Variants in ASXL3 observed in about 807,000 individuals in gnomAD.
ASXL3 encodes the protein ASXL transcriptional regulator 3.
A neutral mutation model predicts 170.6 loss-of-function variants in ASXL3; 34 were observed. That is an observed-to-expected ratio of 0.20 (90% confidence interval 0.15 to 0.27). The LOEUF (loss-of-function observed/expected upper bound fraction) is 0.27, where lower values mean the gene tolerates loss of function less well. ASXL3 is among the 10% of genes least tolerant of loss of function. The pLI, the probability that ASXL3 is intolerant of heterozygous loss-of-function variation, is 1.00. For missense variants in ASXL3, 2,592 were observed against 2,695.3 expected, an observed-to-expected ratio of 0.96 and a Z score of 0.85; for synonymous variants, 1,002 against 989.1, an observed-to-expected ratio of 1.01 and a Z score of -0.24.
At chr18:33,612,804 A>G (rs1357083404) in intron 2 of ASXL3, among the ~76,000 whole-genome samples, 1 of 152,092 alleles carries the variant, frequency 6.6e-6, no homozygotes, top group African/African-American at 2.4e-5. Flanking sequence ...TAGAGATAAG[A>G]AATAAACGCA....
At chr18:33,636,347 GCCACAACAA>G (rs1305867809) in intron 2 of ASXL3, among the ~76,000 whole-genome samples, 2 of 39,994 alleles carry the variant, frequency 5.0e-5, no homozygotes, top group Non-Finnish European at 9.8e-5. Flanking sequence ...AACAACAACA[GCCACAACAA>G]CAGCCACAAC....
intron 8 of ASXL3, among the ~76,000 whole-genome samples, chr18:33,697,677 A>G (rs1007353770): frequency 4.6e-5 from 7 of 151,996 alleles, no homozygotes; most frequent in East Asian, 1.9e-4. Flanking sequence ...TTGTTGCCCA[A>G]CCTCTGGGCA....
At chr18:33,713,898 G>C (rs1194542979) in intron 8 of ASXL3, among the ~76,000 whole-genome samples, 1 of 152,172 alleles carries the variant, frequency 6.6e-6, no homozygotes, top group African/African-American at 2.4e-5. Flanking sequence ...TTCCTAGAAA[G>C]AAAATTTTGT....
chr18:33,647,637 T>A (rs906666952), intron 4 of ASXL3, among the ~76,000 whole-genome samples: 1 of 152,050 alleles, frequency 6.6e-6, no homozygotes, highest in African/African-American at 2.4e-5. Context: ...CCTAGTGTGG[T>A]ACTCTTGCCT....
chr18:33,681,715 T>C (rs1391916243), intron 7 of ASXL3, among the ~76,000 whole-genome samples: 1 of 152,046 alleles, frequency 6.6e-6, no homozygotes, highest in Non-Finnish European at 1.5e-5. Flanking sequence ...ATTTCAGTTC[T>C]GAAAAATATT....
At chr18:33,702,245 CTG>C (rs1491586475) in intron 8 of ASXL3, among the ~76,000 whole-genome samples, 1 of 152,086 alleles carries the variant, frequency 6.6e-6, no homozygotes. Context: ...GTTTTCTAGA[CTG>C]TCATTCTTTC....
In ASXL3 at chr18:33,745,967, C is replaced by T. The variant is rs765788846; in HGVS notation, c.6119C>T (p.Pro2040Leu). ...CCCCCGCCTCCCCCCCCACCACCTCCGCTACCTCCACCTCTCCCTAATGCA... is the reference window on the plus strand; with the variant it reads ...CCCCCGCCTCCCCCCCCACCACCTCTGCTACCTCCACCTCTCCCTAATGCA... ...ALPPPPPPPPPLPPPLPNAEV... is the reference protein window; with the variant it reads ...ALPPPPPPPPLLPPPLPNAEV... Residue 2040 changes from proline to leucine, a missense_variant, in exon 12 of 12, where the codon CCG becomes CTG. Coordinates refer to ENST00000269197, the MANE Select transcript of ASXL3 (RefSeq NM_030632.3). 9.5e-6 allele frequency: 15 copies of T among 1,570,972 alleles called. No individual in the cohort carries two copies. The highest frequency in any genetic ancestry group is 1.8e-5 in the Admixed American group (1 of 54,342).
chr18:33,700,318 A>G (rs753438105), intron 8 of ASXL3, among the ~76,000 whole-genome samples: 9 of 151,962 alleles, frequency 5.9e-5, no homozygotes, highest in Non-Finnish European at 1.2e-4. Flanking sequence ...TGGTGGAGAT[A>G]TTTTTTCATA....
intron 11 of ASXL3, among the ~76,000 whole-genome samples, chr18:33,741,199 C>G (rs892946932): frequency 2.6e-5 from 4 of 152,120 alleles, no homozygotes; most frequent in Non-Finnish European, 5.9e-5. Flanking sequence ...ATAATATAAA[C>G]TTTCCATAGG....
chr18:33,582,964 T>C (rs546554610), intron 1 of ASXL3, among the ~76,000 whole-genome samples: 1 of 152,262 alleles, frequency 6.6e-6, no homozygotes, highest in Admixed American at 6.5e-5. Context: ...TATTATGCAT[T>C]ACATTCTAAA....
Position 33,738,591 on chromosome 18 carries a change from C to T in ASXL3, c.1187C>T (p.Ala396Val), listed in dbSNP as rs769409061. The T allele has an allele frequency of 1.2e-6, 2 of 1,613,856 alleles. No homozygotes were observed. The highest frequency in any genetic ancestry group is 2.2e-5 in the South Asian group (2 of 91,070). The part of the protein sequence containing the change: ...SCGTSGLPVS[A>V]QTALAEQQPK... ...GGGACTTCTGGCCTTCCAGTTTCTG[C>T]ACAGACAGCCTTGGCAGAACAACAG... The change falls in exon 11 of 12, where the codon GCA becomes GTA. Residue 396 changes from alanine (A) to valine (V), a missense_variant. Physicochemically the swap from Ala to Val is moderately conservative, Grantham distance 64 (BLOSUM62 0). Around this residue, in one of 4 missense-constraint regions of ASXL3, gnomAD observed 2,246 missense variants for 2,219.6 expected, o/e 1.01. Coordinates refer to ENST00000269197, the MANE Select transcript of ASXL3 (RefSeq NM_030632.3).
intron 2 of ASXL3, among the ~76,000 whole-genome samples, chr18:33,630,893 C>T (rs2065666952): frequency 6.6e-6 from 1 of 151,566 alleles, no homozygotes. Context: ...ATTTTTTCTT[C>T]AACATGTAAT....
chr18:33,582,356 GTTTC>G (rs1242801612), intron 1 of ASXL3, among the ~76,000 whole-genome samples: 2 of 151,988 alleles, frequency 1.3e-5, no homozygotes, highest in Non-Finnish European at 2.9e-5. Context: ...GCACTAAGGG[GTTTC>G]TTTGTTACTG....
intron 4 of ASXL3, among the ~76,000 whole-genome samples, chr18:33,650,449 C>A (rs1360049928): frequency 6.6e-6 from 1 of 151,762 alleles, no homozygotes; most frequent in Non-Finnish European, 1.5e-5. Context: ...AACCAGTGTC[C>A]TAGCTGGGAA....
intron 2 of ASXL3, among the ~76,000 whole-genome samples, chr18:33,610,605 A>T (rs137875680): frequency 6.6e-6 from 1 of 151,740 alleles, no homozygotes; most frequent in Non-Finnish European, 1.5e-5. Flanking sequence ...TTGTCTTTGT[A>T]TGTCTTCCCT....
At chr18:33,603,170 T>TA (rs1366467678) in intron 1 of ASXL3, among the ~76,000 whole-genome samples, 2 of 152,104 alleles carry the variant, frequency 1.3e-5, no homozygotes, top group Non-Finnish European at 2.9e-5. Flanking sequence ...GCAAAAATTT[T>TA]AACCTTTAAA....
intron 5 of ASXL3, among the ~76,000 whole-genome samples, chr18:33,667,510 CT>C (rs1284581138): frequency 6.6e-6 from 1 of 152,062 alleles, no homozygotes; most frequent in African/African-American, 2.4e-5. Context: ...CTACTCCGTT[CT>C]TTTTTTGTTT....
chr18:33,602,191 C>T (rs750840763), intron 1 of ASXL3, among the ~76,000 whole-genome samples: 4 of 151,968 alleles, frequency 2.6e-5, no homozygotes, highest in Non-Finnish European at 4.4e-5. Context: ...GCCTAATTAT[C>T]TGAGGTGGAA....
intron 7 of ASXL3, among the ~76,000 whole-genome samples, chr18:33,680,530 A>G (rs11081822): frequency 0.44 from 66,190 of 151,374 alleles, 15,130 homozygotes; most frequent in East Asian, 0.8. Context: ...TTTTGATCCA[A>G]TCTATCAGGT....
Sources: allele counts gnomAD v4.1 joint callset (sites outside exome capture counted in the v4.1 genomes callset), GRCh38; gene constraint gnomAD v4.1.1; regional missense constraint gnomAD v4.1.1; transcripts MANE v1.5; gene names NCBI Gene and HGNC (gene_info 2026-07-23, HGNC 2026-07-21).